The following CUBN variants were observed in gnomAD, a reference collection of about 807,000 sequenced individuals.
The protein encoded by CUBN is 460 kDa receptor.
CUBN carries 282 observed loss-of-function variants against 405.3 expected under a neutral mutation model. The observed-to-expected ratio is 0.70, with a 90% CI of 0.63 to 0.77. The LOEUF (loss-of-function observed/expected upper bound fraction) is 0.77. Ranked by LOEUF, CUBN falls within the 30% of genes least tolerant of loss-of-function variation. CUBN has a pLI of 0.00. For missense variants in CUBN, 4,514 were observed against 4,475.2 expected, an observed-to-expected ratio of 1.01 and a Z score of -0.25; for synonymous variants, 1,684 against 1,617.0, an observed-to-expected ratio of 1.04 and a Z score of -0.99.
At chr10:17,011,109 T>C (rs1165569509) in intron 28 of CUBN, among the ~76,000 whole-genome samples, 1 of 152,040 alleles carries the variant, frequency 6.6e-6, no homozygotes, top group African/African-American at 2.4e-5. Context: ...CAATGAGCTC[T>C]AGCATCATGG....
intron 6 of CUBN, 37 bp downstream of exon 6, chr10:17,122,758 T>C (rs1035421634): frequency 1.7e-6 from 2 of 1,173,854 alleles, no homozygotes; most frequent in African/African-American, 6.5e-5. Flanking sequence ...CCTTCAAAAA[T>C]ATACTGATAT....
chr10:17,016,329 G>T (rs537846601), intron 28 of CUBN, among the ~76,000 whole-genome samples: 1 of 152,274 alleles, frequency 6.6e-6, no homozygotes, highest in East Asian at 1.9e-4. Context: ...TCCCAGTGGG[G>T]ATCCATACTG....
chr10:17,106,333 C>A (rs1240692867), intron 10 of CUBN, among the ~76,000 whole-genome samples: 1 of 148,682 alleles, frequency 6.7e-6, no homozygotes, highest in Admixed American at 6.8e-5. Flanking sequence ...ATAAAGAGCC[C>A]TATGGAATCT....
rs1842408682 is a variant in CUBN at position 16,933,183 on chromosome 10, T to G, written c.6028A>C (p.Ile2010Leu). ...TCCACGGTAGAGTCGGGAGCCTGGA[T>G]GAGCCACGTACAGTCCACTCTATTA... ...YSNRVDCTWL[I>L]QAPDSTVELN... The change falls in exon 40 of 67, where the codon ATC becomes CTC. Residue 2010 changes from isoleucine (I) to leucine (L), a missense_variant. Around this residue, in one of 5 missense-constraint regions of CUBN, gnomAD observed 1,613 missense variants for 1,542.8 expected, o/e 1.05. Transcript: ENST00000377833. 6.2e-7 allele frequency: 1 copy of G among 1,614,074 alleles called. No homozygotes were observed. Among genetic ancestry groups the G allele is most frequent in the East Asian group, 2.2e-5 (1 of 44,870 alleles).
intron 10 of CUBN, among the ~76,000 whole-genome samples, chr10:17,107,963 G>A (rs1450274264): frequency 6.6e-6 from 1 of 152,012 alleles, no homozygotes; most frequent in East Asian, 1.9e-4. Context: ...GAGTAAGCAA[G>A]CTCTGAAACT....
intron 57 of CUBN, among the ~76,000 whole-genome samples, chr10:16,876,622 T>C (rs1012416033): frequency 1.3e-5 from 2 of 152,146 alleles, no homozygotes; most frequent in Non-Finnish European, 2.9e-5. Flanking sequence ...AACAAAAAAA[T>C]AGCAGTAGTA....
At chr10:16,892,023 C>G (rs1301563360) in intron 54 of CUBN, among the ~76,000 whole-genome samples, 2 of 152,166 alleles carry the variant, frequency 1.3e-5, no homozygotes, top group Non-Finnish European at 2.9e-5. Flanking sequence ...TCATTCCAAA[C>G]ACATCTCTTC....
chr10:16,846,800 G>A (rs1201870590), intron 60 of CUBN, among the ~76,000 whole-genome samples: 11 of 124,484 alleles, frequency 8.8e-5, no homozygotes, highest in Non-Finnish European at 1.3e-4. Context: ...TGACAAGATA[G>A]AAACTCTGTC....
chr10:16,872,349 C>CATATATATATATATATATATATATATAT (rs138781700), intron 58 of CUBN, among the ~76,000 whole-genome samples: 13 of 148,986 alleles, frequency 8.7e-5, no homozygotes, highest in Middle Eastern at 3.2e-3. Flanking sequence ...TGTATACATA[C>CATATATATATATATATATATATATATAT]ATATATATAT....
chr10:17,030,641 G>T (rs924632034), intron 27 of CUBN, among the ~76,000 whole-genome samples: 1 of 152,104 alleles, frequency 6.6e-6, no homozygotes, highest in Non-Finnish European at 1.5e-5. Flanking sequence ...ATTGTTGGTC[G>T]GGCGTGGTGG....
intron 54 of CUBN, among the ~76,000 whole-genome samples, chr10:16,898,639 C>T (rs142954794): frequency 4.6e-5 from 7 of 152,262 alleles, no homozygotes; most frequent in African/African-American, 1.7e-4. Context: ...CCATTCCCAT[C>T]ATTTTTACAT....
chr10:16,952,854 T>C (rs1842955697), intron 32 of CUBN, among the ~76,000 whole-genome samples: 1 of 152,140 alleles, frequency 6.6e-6, no homozygotes, highest in African/African-American at 2.4e-5. Context: ...CGGTCACCGC[T>C]GGAGGGCGTA....
chr10:17,077,102 C>T (rs1197740214), intron 17 of CUBN, among the ~76,000 whole-genome samples: 2 of 152,108 alleles, frequency 1.3e-5, no homozygotes, highest in Admixed American at 6.6e-5. Flanking sequence ...TTTAGTGAAT[C>T]GCATTTGCAA....
At chr10:16,923,467 A>G (rs1476438085) in intron 43 of CUBN, among the ~76,000 whole-genome samples, 1 of 152,180 alleles carries the variant, frequency 6.6e-6, no homozygotes, top group Non-Finnish European at 1.5e-5. Flanking sequence ...AGCCAGATAG[A>G]CGTGGGAAGT....
chr10:16,913,818 T>G lies in CUBN; in HGVS notation c.7526A>C (p.His2509Pro), dbSNP rs371477001. 6.2e-7 allele frequency: 1 copy of G among 1,613,540 alleles called. No homozygotes were observed. The highest frequency in any genetic ancestry group is 8.5e-7 in the Non-Finnish European group (1 of 1,180,020). ...LATHPSCNNE[H>P]VIVFNGIRSN... ...GCGGCAGGGAACACTTACTATCACA[T>G]GCTCATTGTTGCAGGACGGATGCGT... Residue 2509 changes from histidine to proline, a missense_variant, in exon 48 of 67, where the codon CAT (histidine) becomes CCT (proline). Physicochemically the swap from His to Pro is moderately conservative, Grantham distance 77 (BLOSUM62 -2). Transcript: ENST00000377833.
chr10:17,061,082 A>C (rs892612698), intron 22 of CUBN, among the ~76,000 whole-genome samples: 3 of 149,194 alleles, frequency 2.0e-5, no homozygotes, highest in Admixed American at 6.7e-5. Flanking sequence ...AAAAACAACA[A>C]CAAAAAAAAC....
chr10:16,864,940 A>ATGCCC (rs1012057275), intron 59 of CUBN, among the ~76,000 whole-genome samples: 1 of 122,296 alleles, frequency 8.2e-6, no homozygotes, highest in African/African-American at 3.1e-5. Flanking sequence ...GTGAGCCACC[A>ATGCCC]TGCCCAGCTT....
At chr10:17,002,642 A>T (rs1833924107) in intron 28 of CUBN, among the ~76,000 whole-genome samples, 1 of 152,162 alleles carries the variant, frequency 6.6e-6, no homozygotes. Flanking sequence ...GTCGTCAAGG[A>T]GGCAGAAATG....
At chr10:17,085,797 C>G in intron 15 of CUBN, 38 bp from the exon 16 acceptor site, 1 of 1,592,454 alleles carries the variant, frequency 6.3e-7, no homozygotes, top group South Asian at 1.1e-5. Flanking sequence ...TCAAAGTGGT[C>G]AGATTTTTAA....
Sources: allele counts gnomAD v4.1 joint callset (sites outside exome capture counted in the v4.1 genomes callset), GRCh38; gene constraint gnomAD v4.1.1; regional missense constraint gnomAD v4.1.1; transcripts MANE v1.5; gene names NCBI Gene and HGNC (gene_info 2026-07-23, HGNC 2026-07-21).